The following TECR variants were observed in gnomAD, a reference collection of about 807,000 sequenced individuals.
TECR encodes very-long-chain enoyl-CoA reductase.
In TECR, 19 loss-of-function variants were observed where a neutral mutation model predicts 50.6. That is an observed-to-expected ratio of 0.38 (90% CI 0.26 to 0.55). TECR has a LOEUF of 0.55. TECR is among the 20% of genes least tolerant of loss of function. The pLI is 0.79. For missense variants in TECR, 313 were observed against 408.3 expected, an observed-to-expected ratio of 0.77 and a Z score of 2.01; for synonymous variants, 168 against 163.5, an observed-to-expected ratio of 1.03 and a Z score of -0.21.
chr19:14,529,522 G>A (rs376552790), upstream of TECR: 32 of 839,248 alleles, frequency 3.8e-5, no homozygotes, highest in African/African-American at 3.7e-4. Flanking sequence ...AGGGGCGAAC[G>A]TGGGCGCCTC....
intron 7 of TECR, 62 bp downstream of exon 7, chr19:14,564,349 C>T: frequency 2.3e-6 from 3 of 1,289,736 alleles, no homozygotes; most frequent in South Asian, 2.6e-5. Flanking sequence ...CGCCCCGCCC[C>T]CACCGAGCCC....
rs563957558 is a variant in TECR, at chr19:14,565,870, G to A, written c.926G>A (p.Ter309=). 190 of 1,587,424 alleles carry A rather than the reference G, an allele frequency of 1.2e-4. No homozygotes were observed. The highest frequency in any genetic ancestry group is 1.5e-4 in the Non-Finnish European group (177 of 1,169,390). Residue 309 remains the stop codon, a stop_retained_variant, in exon 13 of 13, where the codon TGA becomes TAA. Coordinates refer to ENST00000215567, the MANE Select transcript of TECR (RefSeq NM_138501.6). ...ATGCCCATCATCCCCTTCCTGCTCT[G>A]AGCGCTCACCCCTGCTGAGGCTCAG... ...LRMPIIPFLL[*] is the part of the protein sequence containing the mutation.
chr19:14,563,964 G>GC lies in TECR; in HGVS notation c.268-12dup. On this transcript the variant is annotated splice_polypyrimidine_tract_variant and intron_variant, in intron 5 of 12. Coordinates refer to ENST00000215567, the MANE Select transcript of TECR (RefSeq NM_138501.6). The surrounding 1 kb of genome is among the most constrained non-coding windows in gnomAD (Gnocchi z 5.3). Reference sequence around the variant, plus strand: ...TCAGCCACGTTGGGTGACTCATCTTGCCCCCCTCTACTCTCAGGTCTTCCT... The same window carrying GC: ...TCAGCCACGTTGGGTGACTCATCTTGCCCCCCCTCTACTCTCAGGTCTTCCT... The GC allele has an allele frequency of 1.2e-6, 2 of 1,613,950 alleles. No individual in the cohort carries two copies. Among genetic ancestry groups the GC allele is most frequent in the South Asian group, 1.1e-5 (1 of 91,080 alleles).
At chr19:14,529,294 G>C, upstream of TECR, 2 of 380,452 alleles carry the variant, frequency 5.3e-6, no homozygotes, top group South Asian at 4.8e-5. Context: ...CCCGCGTCTG[G>C]CCTAACCGTC....
At chr19:14,551,970 TCTTTCTCTC>T (rs1286511377) in intron 1 of TECR, among the ~76,000 whole-genome samples, 131 of 123,580 alleles carry the variant, frequency 1.1e-3, no homozygotes, top group African/African-American at 3.8e-3. Flanking sequence ...TCTCTCTCTC[TCTTTCTCTC>T]TTTTTTTTTT....
chr19:14,538,541 T>C (rs1040627800), intron 1 of TECR, among the ~76,000 whole-genome samples: 3 of 151,258 alleles, frequency 2.0e-5, no homozygotes, highest in Admixed American at 6.6e-5. Flanking sequence ...TTTTTCTTTT[T>C]TTTTTTTTTT....
intron 7 of TECR, 186 bp from the exon 8 acceptor site, chr19:14,564,600 C>T (rs2074015141): frequency 2.6e-6 from 1 of 384,414 alleles, no homozygotes; most frequent in Non-Finnish European, 4.9e-6. Flanking sequence ...CCCCTCCTGT[C>T]CACCACGCCC....
At chr19:14,562,666 T>A in intron 2 of TECR, 91 bp downstream of exon 2, 12 of 1,413,228 alleles carry the variant, frequency 8.5e-6, no homozygotes, top group South Asian at 1.2e-5. Context: ...TGGGGCCCTT[T>A]GTGCCCCACC....
Position 14,563,054 on chromosome 19 carries a change from T to C in TECR, c.67-152T>C. The C allele has an allele frequency of 2.1e-6, 2 of 951,676 alleles. No individual in the cohort carries two copies. Among genetic ancestry groups the C allele is most frequent in the South Asian group, 1.5e-5 (1 of 65,604 alleles). The allele number at this position is 951,676 out of a possible 1,614,324, so 59.0% of individuals were successfully genotyped here. A position where few individuals can be genotyped will look rare whatever the true frequency, so the allele number is the denominator to read the frequency against. On this transcript the variant is annotated intron_variant, in intron 2 of 12. Coordinates refer to ENST00000215567, the MANE Select transcript of TECR (RefSeq NM_138501.6). This position sits in a 1 kb window ranked among gnomAD's most constrained non-coding sequence, Gnocchi z 5.3. ...GCACTGGCAGGGCCCTCGGTGGTCC[T>C]TCCCTGACTGCAGGCAGAGGCCTGG...
rs140264579 is a variant in TECR, at chr19:14,561,771, T to C, written c.16-754T>C. On this transcript the variant is annotated intron_variant, in intron 1 of 12. Transcript: ENST00000215567. The stretch of plus-strand genomic sequence containing the variant: ...TCTGCACCCATAACTCCAGAATCTG[T>C]CACCTCCCTGGTAACACAAATGCAC... Among the ~76,000 whole-genome samples the C allele has an allele frequency of 2.0e-5, 3 of 152,336 alleles. No individual in the cohort carries two copies. The East Asian group carries it at 5.8e-4, about 29-fold the overall frequency.
At chr19:14,528,477 A>T (rs964123301), upstream of TECR, among the ~76,000 whole-genome samples, 1 of 151,358 alleles carries the variant, frequency 6.6e-6, no homozygotes, top group Non-Finnish European at 1.5e-5. Flanking sequence ...TCACCTCGTG[A>T]TCTGCCCCCC....
chr19:14,531,303 C>T (rs539478267), intron 1 of TECR: 1 of 152,234 alleles, frequency 6.6e-6, no homozygotes, highest in South Asian at 2.1e-4. Flanking sequence ...TCCCAAAGTA[C>T]TGGGATTACA....
intron 1 of TECR, among the ~76,000 whole-genome samples, chr19:14,543,698 A>T (rs2073207038): frequency 6.7e-6 from 1 of 149,716 alleles, no homozygotes; most frequent in African/African-American, 2.5e-5. Context: ...TCGGCCTCCC[A>T]AAGTGCTGGG....
intron 1 of TECR, among the ~76,000 whole-genome samples, chr19:14,548,294 T>C (rs1375592299): frequency 6.6e-6 from 1 of 152,058 alleles, no homozygotes; most frequent in Non-Finnish European, 1.5e-5. Flanking sequence ...ATGTCCAAAA[T>C]GGAGCTTCTG....
At chr19:14,548,773 C>G (rs1162556570) in intron 1 of TECR, among the ~76,000 whole-genome samples, 2 of 152,010 alleles carry the variant, frequency 1.3e-5, no homozygotes, top group Admixed American at 6.5e-5. Context: ...GACGGGTTCA[C>G]CATGTTGGCC....
intron 1 of TECR, among the ~76,000 whole-genome samples, chr19:14,557,403 A>T (rs2073768523): frequency 6.6e-6 from 1 of 150,420 alleles, no homozygotes. Context: ...GGCCTCCCAA[A>T]GTGCTGGGAT....
At chr19:14,564,336 C>G (rs773279101) in intron 7 of TECR, 49 bp downstream of exon 7, 273 of 1,400,104 alleles carry the variant, frequency 1.9e-4, no homozygotes, top group Non-Finnish European at 2.5e-4. Flanking sequence ...TTCTGCCCCA[C>G]CCCGCCCCGC....
intron 9 of TECR, 36 bp downstream of exon 9, chr19:14,565,028 G>C (rs1390119004): frequency 1.7e-5 from 27 of 1,613,896 alleles, no homozygotes; most frequent in Non-Finnish European, 2.2e-5. Flanking sequence ...GGTCGGGGGA[G>C]TCTGGGCGGC....
chr19:14,565,422 C>A (rs1599508501), intron 11 of TECR, 132 bp downstream of exon 11: 1 of 1,366,854 alleles, frequency 7.3e-7, no homozygotes, highest in South Asian at 1.2e-5. Flanking sequence ...AGGTGGAGAC[C>A]GCGGCCTCTC....
Sources: allele counts gnomAD v4.1 joint callset (sites outside exome capture counted in the v4.1 genomes callset), GRCh38; gene constraint gnomAD v4.1.1; non-coding constraint Gnocchi (gnomAD v3.1); transcripts MANE v1.5; gene names NCBI Gene and HGNC (gene_info 2026-07-23, HGNC 2026-07-21).